PLCB4: variants seen among roughly 807,000 people sequenced by gnomAD.
The protein encoded by PLCB4 is 1-phosphatidylinositol 4,5-bisphosphate phosphodiesterase beta-4.
PLCB4 carries 77 observed loss-of-function variants against 178.8 expected under a neutral mutation model. The observed-to-expected ratio is 0.43, with a 90% CI of 0.36 to 0.52. The LOEUF (loss-of-function observed/expected upper bound fraction) is 0.52. Among genes scored for constraint, PLCB4 ranks in the 20% least tolerant of loss-of-function variants. PLCB4 has a pLI of 0.00. For missense variants in PLCB4, 1,024 were observed against 1,453.4 expected (o/e 0.70, Z 4.80); for synonymous variants, 496 against 490.8 (o/e 1.01, Z -0.14).
intron 2 of PLCB4, among the ~76,000 whole-genome samples, chr20:9,176,064 A>G (rs1041902743): frequency 1.9e-4 from 29 of 152,042 alleles, no homozygotes; most frequent in Non-Finnish European, 3.2e-4. Flanking sequence ...CTTTCCTGTC[A>G]CTTTTAGATT....
intron 2 of PLCB4, among the ~76,000 whole-genome samples, chr20:9,211,113 C>T (rs2093668481): frequency 6.6e-6 from 1 of 152,106 alleles, no homozygotes; most frequent in Admixed American, 6.5e-5. Context: ...CATTCGAGGG[C>T]TTTTATGGAA....
At chr20:9,228,888 A>G (rs1322379365) in intron 3 of PLCB4, among the ~76,000 whole-genome samples, 1 of 152,144 alleles carries the variant, frequency 6.6e-6, no homozygotes, top group African/African-American at 2.4e-5. Context: ...AGATGGAGAG[A>G]ATGCTGAGAA....
chr20:9,122,696 A>G (rs7266736), intron 2 of PLCB4, among the ~76,000 whole-genome samples: 19,957 of 152,202 alleles, frequency 0.13, 1,519 homozygotes, highest in Middle Eastern at 0.19. Flanking sequence ...AGAAAGGACC[A>G]ATTTTACTTG....
intron 2 of PLCB4, among the ~76,000 whole-genome samples, chr20:9,097,727 G>A (rs568410103): frequency 6.6e-6 from 1 of 152,138 alleles, no homozygotes; most frequent in East Asian, 1.9e-4. Context: ...CTCTGCCCTG[G>A]GAATGGCTTG....
intron 4 of PLCB4, among the ~76,000 whole-genome samples, chr20:9,334,476 C>T (rs1419837902): frequency 1.3e-5 from 2 of 152,132 alleles, no homozygotes; most frequent in East Asian, 1.9e-4. Context: ...TAAGATTAAA[C>T]GTCACTGTTG....
At chr20:9,435,082 C>T (rs1440546642) in intron 28 of PLCB4, among the ~76,000 whole-genome samples, 3 of 152,194 alleles carry the variant, frequency 2.0e-5, no homozygotes, top group Non-Finnish European at 4.4e-5. Context: ...TATGTATTAT[C>T]CTTCTGTATC....
chr20:9,423,675 T>C, intron 27 of PLCB4, 73 bp from the exon 28 acceptor site: 1 of 1,161,392 alleles, frequency 8.6e-7, no homozygotes, highest in African/African-American at 1.5e-5. Context: ...ATGGATTTGG[T>C]CCACACTCCT....
chr20:9,129,222 T>G (rs1203344085), intron 2 of PLCB4, among the ~76,000 whole-genome samples: 2 of 152,158 alleles, frequency 1.3e-5, no homozygotes, highest in Admixed American at 1.3e-4. Context: ...TCTTCTTACC[T>G]GAGGGTGTCT....
In PLCB4 at chr20:9,435,561, T is replaced by C; in HGVS notation, c.2526T>C (p.Asp842=). ...TCATTGGGTTTTTTTTTCCCCTAGA[T>C]ATCGTGGATGCTTTATCAGATCCAA... is the stretch of plus-strand genomic sequence containing the variant. ...LKTYVPDGFG[D]IVDALSDPKK... Residue 842 remains aspartate, a splice_region_variant and synonymous_variant, in exon 29 of 40, where the codon GAT becomes GAC. Transcript: ENST00000378473. 1 of 1,580,424 alleles carries C rather than the reference T, an allele frequency of 6.3e-7. No individual in the cohort carries two copies. Among genetic ancestry groups the C allele is most frequent in the Non-Finnish European group, 8.7e-7 (1 of 1,151,304 alleles).
intron 3 of PLCB4, among the ~76,000 whole-genome samples, chr20:9,233,162 A>C (rs2093952444): frequency 6.6e-6 from 1 of 152,166 alleles, no homozygotes; most frequent in South Asian, 2.1e-4. Context: ...GATAATCCAA[A>C]AATGAGTTTC....
At chr20:9,243,263 A>G (rs534745892) in intron 3 of PLCB4, among the ~76,000 whole-genome samples, 1 of 152,334 alleles carries the variant, frequency 6.6e-6, no homozygotes, top group Admixed American at 6.5e-5. Flanking sequence ...ATGAACCCAG[A>G]GAGTACAGCA....
intron 2 of PLCB4, among the ~76,000 whole-genome samples, chr20:9,111,486 A>G (rs1443051936): frequency 1.3e-5 from 2 of 152,192 alleles, no homozygotes; most frequent in African/African-American, 4.8e-5. Flanking sequence ...CCCAGGTGAC[A>G]GATCATTTCA....
chr20:9,461,764 G>A (rs1373842119), intron 35 of PLCB4, among the ~76,000 whole-genome samples: 1 of 152,166 alleles, frequency 6.6e-6, no homozygotes, highest in Non-Finnish European at 1.5e-5. Flanking sequence ...AGCTCAAATT[G>A]GGTGGAGCCC....
chr20:9,261,605 C>T lies in PLCB4; in HGVS notation c.-16+44153C>T, dbSNP rs34389755. 6.1e-3 allele frequency among the ~76,000 whole-genome samples: 921 copies of T among 152,184 alleles called. 6 individuals are homozygous for T. Among genetic ancestry groups the T allele is most frequent in the Non-Finnish European group, 9.8e-3 (665 of 68,000 alleles). ...GAGTTTAAATTGGGAATGAATATAT[C>T]TTTGTGGTGAGGACTGAACATACTT... On this transcript the variant is annotated intron_variant, in intron 3 of 39. Coordinates refer to ENST00000378473, the MANE Select transcript of PLCB4 (RefSeq NM_001377142.1).
chr20:9,417,291 A>C (rs143085374), intron 25 of PLCB4, among the ~76,000 whole-genome samples: 2,649 of 152,234 alleles, frequency 0.017, 35 homozygotes, highest in South Asian at 0.025. Context: ...TACCCCGTGG[A>C]CATGAGGGGC....
chr20:9,465,831 A>G (rs1418632519), intron 35 of PLCB4, among the ~76,000 whole-genome samples: 2 of 152,258 alleles, frequency 1.3e-5, no homozygotes, highest in Non-Finnish European at 2.9e-5. Flanking sequence ...GATAGGAAGA[A>G]TCAGTATCGT....
At chr20:9,340,434 G>A (rs1051338237) in intron 7 of PLCB4, among the ~76,000 whole-genome samples, 4 of 152,130 alleles carry the variant, frequency 2.6e-5, no homozygotes, top group African/African-American at 9.7e-5. Flanking sequence ...ACTCGGATGT[G>A]TGGTGAAGTT....
At chr20:9,472,466 C>T (rs1484817516) in intron 36 of PLCB4, among the ~76,000 whole-genome samples, 3 of 152,160 alleles carry the variant, frequency 2.0e-5, no homozygotes. Context: ...GTGGTAACCT[C>T]TGGGGAGAGA....
At chr20:9,404,604 C>CAA (rs34712600) in intron 20 of PLCB4, among the ~76,000 whole-genome samples, 72 of 65,602 alleles carry the variant, frequency 1.1e-3, no homozygotes, top group African/African-American at 2.3e-3. Flanking sequence ...GACTGTGTCT[C>CAA]AAAAAAAAAA....
Sources: allele counts gnomAD v4.1 joint callset (sites outside exome capture counted in the v4.1 genomes callset), GRCh38; gene constraint gnomAD v4.1.1; transcripts MANE v1.5; gene names NCBI Gene and HGNC (gene_info 2026-07-23, HGNC 2026-07-21).